The following WDR62 variants were observed in gnomAD, a reference collection of about 807,000 sequenced individuals.
The protein encoded by WDR62 is WD repeat domain 62, also known as WD repeat-containing protein 62.
Under a neutral mutation model 160.6 loss-of-function variants are expected in WDR62, and 112 were observed. The observed-to-expected ratio is 0.70, with a 90% CI of 0.60 to 0.82. The LOEUF is 0.82. WDR62 is among the 40% of genes least tolerant of loss of function. The pLI is 0.00. For missense variants in WDR62, 1,819 were observed against 1,983.8 expected (o/e 0.92, Z 1.58); for synonymous variants, 792 against 815.1 (o/e 0.97, Z 0.48).
At chr19:36,099,351 A>G in intron 21 of WDR62, 48 bp from the exon 22 acceptor site, 2 of 1,515,680 alleles carry the variant, frequency 1.3e-6, no homozygotes, top group Non-Finnish European at 1.8e-6. Flanking sequence ...CGCTCCCTGC[A>G]GTGAGTGAGC....
At chr19:36,072,544 G>T (rs1321988342) in intron 8 of WDR62, among the ~76,000 whole-genome samples, 1 of 152,178 alleles carries the variant, frequency 6.6e-6, no homozygotes, top group Admixed American at 6.5e-5. Context: ...CTTCTCCTTT[G>T]TTGCAAGTCT....
At chr19:36,095,617 A>G (rs762893804) in intron 20 of WDR62, among the ~76,000 whole-genome samples, 2 of 152,244 alleles carry the variant, frequency 1.3e-5, no homozygotes, top group Non-Finnish European at 2.9e-5. Context: ...AACATGGTGA[A>G]ACCCCATGTC....
Position 36,081,542 on chromosome 19 carries a change from C to T in WDR62, c.1343C>T (p.Ser448Phe). The T allele has an allele frequency of 6.2e-7, 1 of 1,614,186 alleles. No individual in the cohort carries two copies. Among genetic ancestry groups the T allele is most frequent in the Non-Finnish European group, 8.5e-7 (1 of 1,180,036 alleles). The part of the protein sequence containing the change: ...RFWNLDSSPD[S>F]HWQKNIFSNT... ...TGGAACTTGGACAGCAGCCCTGATT[C>T]TCACTGGCAGAAAAACATCTTCAGC... The change falls in exon 10 of 32, where the codon TCT becomes TTT. Residue 448 changes from serine (S) to phenylalanine (F), a missense_variant. By Grantham distance (155) the Ser-to-Phe change is radical. This residue lies in a region of WDR62 where 934 missense variants were observed against 1,157.2 expected (regional missense o/e 0.81). Coordinates refer to ENST00000401500, the MANE Select transcript of WDR62 (RefSeq NM_001083961.2).
chr19:36,067,792 T>C (rs372377534), intron 6 of WDR62, 36 bp from the exon 7 acceptor site: 39 of 1,610,596 alleles, frequency 2.4e-5, no homozygotes, highest in Non-Finnish European at 3.3e-5. Context: ...CCCAGCTGTG[T>C]GGACAAGTAT....
At chr19:36,101,630 G>A (rs1973342657) in intron 24 of WDR62, 34 bp from the exon 25 acceptor site, 1 of 1,506,182 alleles carries the variant, frequency 6.6e-7, no homozygotes, top group South Asian at 1.2e-5. Context: ...GAATGGTCAG[G>A]CTGTGGGCTC....
rs778347726 is a variant in WDR62 at position 36,104,843 on chromosome 19, C to T, written c.4387C>T (p.His1463Tyr). Residue 1463 changes from histidine (H) to tyrosine (Y), a missense_variant, in exon 32 of 32, where the codon CAC becomes TAC. His to Tyr is a moderately conservative substitution (Grantham distance 83, BLOSUM62 2). Coordinates refer to ENST00000401500, the MANE Select transcript of WDR62 (RefSeq NM_001083961.2). ...TELVSTFLWI[H>Y]SQLEAECLVG... is the part of the protein sequence containing the mutation. ...GCTGGTCTCCACCTTCCTGTGGATC[C>T]ACAGCCAGCTGGAGGCTGAATGCCT... is the stretch of plus-strand genomic sequence containing the variant. 4 of 1,613,480 alleles carry T rather than the reference C, an allele frequency of 2.5e-6. No individual in the cohort carries two copies. Among genetic ancestry groups the T allele is most frequent in the South Asian group, 1.1e-5 (1 of 91,070 alleles).
chr19:36,102,262 A>G, intron 26 of WDR62, 111 bp downstream of exon 26: 1 of 1,500,922 alleles, frequency 6.7e-7, no homozygotes, highest in South Asian at 1.1e-5. Context: ...AGTGGAGAGC[A>G]ACTGCTTCGT....
intron 8 of WDR62, among the ~76,000 whole-genome samples, chr19:36,072,342 C>G (rs1208161978): frequency 6.6e-6 from 1 of 152,048 alleles, no homozygotes; most frequent in Admixed American, 6.6e-5. Flanking sequence ...TAGTAAGGGA[C>G]TGTGTGGCCA....
Position 36,089,320 on chromosome 19 carries a change from C to T in WDR62, c.1958+14C>T, listed in dbSNP as rs755502294. 16 of 1,614,094 alleles carry T rather than the reference C, an allele frequency of 9.9e-6. No homozygotes were observed. The highest frequency in any genetic ancestry group is 1.4e-5 in the Non-Finnish European group (16 of 1,180,040). On this transcript the variant is annotated intron_variant, in intron 15 of 31. Coordinates refer to ENST00000401500, the MANE Select transcript of WDR62 (RefSeq NM_001083961.2). ...CCGCAATGTGAGGTAAGGGGTGGCCCTGGACCCTTAGCTGGCCTGGTCTGC... is the reference window on the plus strand; with the variant it reads ...CCGCAATGTGAGGTAAGGGGTGGCCTTGGACCCTTAGCTGGCCTGGTCTGC...
intron 9 of WDR62, among the ~76,000 whole-genome samples, chr19:36,078,105 G>A (rs1430798860): frequency 6.6e-6 from 1 of 151,544 alleles, no homozygotes; most frequent in Non-Finnish European, 1.5e-5. Context: ...CTACCTTATG[G>A]CTGTTGCGAA....
At chr19:36,096,157 C>T (rs1972942576) in intron 20 of WDR62, among the ~76,000 whole-genome samples, 1 of 152,130 alleles carries the variant, frequency 6.6e-6, no homozygotes. Context: ...ATAGCACAAT[C>T]ATAGCTCACT....
chr19:36,088,342 G>A (rs961080672), intron 13 of WDR62, among the ~76,000 whole-genome samples: 4 of 152,204 alleles, frequency 2.6e-5, no homozygotes, highest in African/African-American at 9.7e-5. Context: ...AAGCAAGAAT[G>A]TTTCTAATGC....
intron 8 of WDR62, 78 bp from the exon 9 acceptor site, chr19:36,073,264 C>T: frequency 7.2e-7 from 1 of 1,384,980 alleles, no homozygotes; most frequent in Non-Finnish European, 1.0e-6. Flanking sequence ...GCCGGGGAGG[C>T]ATCTCCACTG....
chr19:36,059,329 C>T (rs1250722948), intron 2 of WDR62, among the ~76,000 whole-genome samples: 2 of 152,158 alleles, frequency 1.3e-5, no homozygotes, highest in African/African-American at 2.4e-5. Flanking sequence ...GTGCTAAGGA[C>T]GTCCCCTCTC....
chr19:36,063,351 G>A (rs1328190233), intron 3 of WDR62, among the ~76,000 whole-genome samples: 13 of 152,022 alleles, frequency 8.6e-5, no homozygotes, highest in Admixed American at 8.5e-4. Context: ...CTGGGTTCAA[G>A]CGATTCTCTG....
downstream of WDR62, among the ~76,000 whole-genome samples, chr19:36,109,236 C>T (rs1322546006): frequency 1.3e-5 from 2 of 152,198 alleles, no homozygotes; most frequent in African/African-American, 2.4e-5. Context: ...TGAAACCTTT[C>T]AGCGCTTATC....
rs60043234 is a variant in WDR62, at chr19:36,092,620, G to A, written c.2211-69G>A. The A allele has an allele frequency of 0.013, 20,271 of 1,605,724 alleles. 449 individuals are homozygous for A. Among genetic ancestry groups the A allele is most frequent in the African/African-American group, 0.091 (6,772 of 74,822 alleles). ...AGGCTGTGGTGTGGGTGGCTTCAGG[G>A]TCAGCCACGGCAGCGGCTCCCATGC... On this transcript the variant is annotated intron_variant, in intron 18 of 31. Transcript: ENST00000401500.
At chr19:36,106,879 C>T (rs1973726353), downstream of WDR62, among the ~76,000 whole-genome samples, 1 of 152,198 alleles carries the variant, frequency 6.6e-6, no homozygotes, top group Non-Finnish European at 1.5e-5. Context: ...GACTCTGCCT[C>T]AGGGAGTCCA....
At chr19:36,067,749 T>C (rs997233053) in intron 6 of WDR62, 79 bp from the exon 7 acceptor site, 10 of 1,505,402 alleles carry the variant, frequency 6.6e-6, no homozygotes, top group Non-Finnish European at 9.2e-6. Context: ...AGTTCTCCTG[T>C]TTTGTTGTGT....
Sources: allele counts gnomAD v4.1 joint callset (sites outside exome capture counted in the v4.1 genomes callset), GRCh38; gene constraint gnomAD v4.1.1; regional missense constraint gnomAD v4.1.1; transcripts MANE v1.5; gene names NCBI Gene and HGNC (gene_info 2026-07-23, HGNC 2026-07-21).